The following PLA2G3 variants were observed in gnomAD, a reference collection of about 807,000 sequenced individuals.
PLA2G3 encodes phospholipase A2 group III.
In PLA2G3, 39 loss-of-function variants were observed where a neutral mutation model predicts 51.3. That is an observed-to-expected ratio of 0.76 (90% CI 0.59 to 0.99). The LOEUF (loss-of-function observed/expected upper bound fraction) is 0.99, where lower values mean the gene tolerates loss of function less well. Among genes scored for constraint, PLA2G3 ranks in the 50% least tolerant of loss-of-function variants. The pLI is 0.00. For synonymous variants in PLA2G3, 293 were observed against 263.1 expected, an observed-to-expected ratio of 1.11 and a Z score of -1.10; for missense variants, 677 against 662.1, an observed-to-expected ratio of 1.02 and a Z score of -0.25.
chr22:31,136,844 C>T, intron 5 of PLA2G3, 45 bp from the exon 6 acceptor site: 6 of 1,601,020 alleles, frequency 3.7e-6, no homozygotes, highest in Non-Finnish European at 5.1e-6. Flanking sequence ...CCTTGCCAGC[C>T]AGGGGCCCCT....
rs975481577 is a variant in PLA2G3, at chr22:31,140,449, G to C, written c.-95C>G. The C allele has an allele frequency of 5.7e-6, 8 of 1,397,238 alleles. No individual in the cohort carries two copies. The highest frequency in any genetic ancestry group is 4.3e-5 in the African/African-American group (3 of 69,348). 86.6% of individuals were successfully genotyped at this position (1,397,238 alleles called of 1,614,324 possible). On this transcript the variant is annotated 5_prime_UTR_variant, in exon 1 of 7. Transcript: ENST00000215885. ...AGCTGAGCAGTGGAACGGAAGCGGA[G>C]CCCAGCAGGCCCGGTGCGGCGGGAC...
chr22:31,136,660 CTCCT>C lies in PLA2G3; in HGVS notation c.1316+19_1316+22del, dbSNP rs1178706561. The stretch of plus-strand genomic sequence containing the variant: ...CACCCTTTGAGAAAACCCCCCATCC[CTCCT>C]GGCTCTGACATCACTTACTTTTTGC... On this transcript the variant is annotated intron_variant, in intron 6 of 6. Transcript: ENST00000215885. The C allele has an allele frequency of 1.9e-6, 3 of 1,596,868 alleles. No individual in the cohort carries two copies. The highest frequency in any genetic ancestry group is 2.6e-6 in the Non-Finnish European group (3 of 1,164,790).
At position 31,134,811 on chromosome 22, in the gene PLA2G3, T is replaced by C; in HGVS notation, c.*912A>G. ...ATTTACCAGGCACCAGCTGTATACA[T>C]TACACATGCCATCTCCTTTAATCTG... On this transcript the variant is annotated 3_prime_UTR_variant, in exon 7 of 7. Coordinates refer to ENST00000215885, the MANE Select transcript of PLA2G3 (RefSeq NM_015715.5). 5.3e-6 allele frequency: 1 copy of C among 189,770 alleles called. No homozygotes were observed. Among genetic ancestry groups the C allele is most frequent in the African/African-American group, 2.3e-5 (1 of 43,026 alleles). The allele number at this position is 189,770 out of a possible 1,614,324, so 11.8% of individuals were successfully genotyped here.
chr22:31,138,110 G>C (rs553218791), intron 3 of PLA2G3, 117 bp from the exon 4 acceptor site: 2 of 1,346,094 alleles, frequency 1.5e-6, no homozygotes, highest in African/African-American at 2.9e-5. Flanking sequence ...CCGCTGGGTT[G>C]TGGGGGACAC....
At position 31,135,830 on chromosome 22, in the gene PLA2G3, A is replaced by G. The variant is rs1310508624; in HGVS notation, c.1423T>C (p.Trp475Arg). ...GGGCCTCTCAGGGGCTCTGAAGGCC[A>G]TGGCTGCCTCTCATCTGTGCCTTTA... Reference protein sequence around the residue: ...QDKGTDERQPWPSEPLRGPMS... With the variant: ...QDKGTDERQPRPSEPLRGPMS... The change falls in exon 7 of 7, where the codon TGG (tryptophan) becomes CGG (arginine). Residue 475 changes from tryptophan (W) to arginine (R), a missense_variant. By Grantham distance (101) the Trp-to-Arg change is moderately radical (BLOSUM62 -3). Coordinates refer to ENST00000215885, the MANE Select transcript of PLA2G3 (RefSeq NM_015715.5). The G allele has an allele frequency of 6.2e-7, 1 of 1,613,938 alleles. No homozygotes were observed. Among genetic ancestry groups the G allele is most frequent in the South Asian group, 1.1e-5 (1 of 91,090 alleles).
intron 6 of PLA2G3, 82 bp from the exon 7 acceptor site, chr22:31,136,018 G>C: frequency 8.7e-7 from 1 of 1,146,070 alleles, no homozygotes; most frequent in East Asian, 2.4e-5. Context: ...CTGAGGCCCA[G>C]AGAGAGAGGG....
Position 31,140,503 on chromosome 22 carries a change from A to C in PLA2G3, c.-149T>G. 1.2e-6 allele frequency: 1 copy of C among 851,228 alleles called. No homozygotes were observed. The highest frequency in any genetic ancestry group is 1.7e-5 in the African/African-American group (1 of 58,522). 52.7% of individuals were successfully genotyped at this position (851,228 alleles called of 1,614,324 possible). On this transcript the variant is annotated 5_prime_UTR_variant, in exon 1 of 7. Coordinates refer to ENST00000215885, the MANE Select transcript of PLA2G3 (RefSeq NM_015715.5). Reference sequence around the variant, plus strand: ...TGAATGGAGCTGCGGGAGGAGGAGGAAAGAGGCTGGAGTATGGGGTGATCT... The same window carrying C: ...TGAATGGAGCTGCGGGAGGAGGAGGCAAGAGGCTGGAGTATGGGGTGATCT...
intron 1 of PLA2G3, 134 bp downstream of exon 1, chr22:31,139,707 G>A: frequency 3.2e-6 from 2 of 633,628 alleles, no homozygotes; most frequent in Non-Finnish European, 5.5e-6. Flanking sequence ...CCACTTTACA[G>A]ATAAGGAAAT....
chr22:31,138,566 C>T, intron 2 of PLA2G3, 101 bp downstream of exon 2: 1 of 1,536,256 alleles, frequency 6.5e-7, no homozygotes, highest in Non-Finnish European at 8.9e-7. Flanking sequence ...TCCAAGCTGG[C>T]TGAGCTTTAA....
At chr22:31,137,641 G>C in intron 4 of PLA2G3, 69 bp downstream of exon 4, 4 of 1,405,878 alleles carry the variant, frequency 2.8e-6, no homozygotes, top group Non-Finnish European at 3.9e-6. Context: ...GCAACACATG[G>C]CCACCCCTAA....
At chr22:31,139,770 T>A in intron 1 of PLA2G3, 71 bp downstream of exon 1, 1 of 1,072,418 alleles carries the variant, frequency 9.3e-7, no homozygotes, top group African/African-American at 1.6e-5. Flanking sequence ...CCTAGGAGAG[T>A]AAGGGCTGGG....
At position 31,136,706 on chromosome 22, in the gene PLA2G3, T is replaced by G. The variant is rs777797655; in HGVS notation, c.1293A>C (p.Pro431=). 2 of 1,613,434 alleles carry G rather than the reference T, an allele frequency of 1.2e-6. No homozygotes were observed. The highest frequency in any genetic ancestry group is 4.5e-5 in the East Asian group (2 of 44,876). Residue 431 remains proline (P), a synonymous_variant, in exon 6 of 7, where the codon CCA becomes CCC. Transcript: ENST00000215885. ...LGTTCFKLAP[P]LDCVEGKNCS... ...ACTTTTTGCCTTCCACACAGTCCAG[T>G]GGAGGGGCCAGCTTGAAGCAGGTTG...
chr22:31,140,250 C>T lies in PLA2G3; in HGVS notation c.105G>A (p.Lys35=). The part of the protein sequence containing the change: ...RWYRTSCHLT[K]AVPGNPLGYL... ...ACCCCAGTGGGTTGCCAGGGACGGC[C>T]TTGGTCAAGTGGCAGGAGGTCCTGT... is the stretch of plus-strand genomic sequence containing the variant. Residue 35 remains lysine (K), a synonymous_variant, in exon 1 of 7, where the codon AAG becomes AAA. Transcript: ENST00000215885. The T allele has an allele frequency of 6.2e-7, 1 of 1,612,604 alleles. No individual in the cohort carries two copies. The highest frequency in any genetic ancestry group is 1.3e-5 in the African/African-American group (1 of 75,050).
Position 31,140,026 on chromosome 22 carries a change from G to A in PLA2G3, c.329C>T (p.Thr110Ile), listed in dbSNP as rs1922802140. 1 of 1,613,742 alleles carries A rather than the reference G, an allele frequency of 6.2e-7. No homozygotes were observed. Among genetic ancestry groups the A allele is most frequent in the Non-Finnish European group, 8.5e-7 (1 of 1,180,046 alleles). The change falls in exon 1 of 7, where the codon ACT becomes ATT. Residue 110 changes from threonine (T) to isoleucine (I), a missense_variant. Thr to Ile is a moderately conservative substitution (Grantham distance 89, BLOSUM62 -1). Coordinates refer to ENST00000215885, the MANE Select transcript of PLA2G3 (RefSeq NM_015715.5). Reference sequence around the variant, plus strand: ...GCATGCCTCCCACTGACTCTGAAGAGTGGCCAGTGCTCTCTGCAGCTCGGG... The same window carrying A: ...GCATGCCTCCCACTGACTCTGAAGAATGGCCAGTGCTCTCTGCAGCTCGGG... ...PGPELQRALA[T>I]LQSQWEACRA... is the part of the protein sequence containing the mutation.
chr22:31,137,659 C>G, intron 4 of PLA2G3, 51 bp downstream of exon 4: 2 of 1,510,604 alleles, frequency 1.3e-6, no homozygotes, highest in Non-Finnish European at 1.8e-6. Flanking sequence ...TAAACAGAAG[C>G]AGGGACACCC....
At chr22:31,136,559 T>C in intron 6 of PLA2G3, 124 bp downstream of exon 6, 1 of 755,724 alleles carries the variant, frequency 1.3e-6, no homozygotes, top group Non-Finnish European at 2.3e-6. Flanking sequence ...GATGAGGCTA[T>C]GGATAGGAGC....
In PLA2G3 at chr22:31,137,167, C is replaced by T. The variant is rs984717593; in HGVS notation, c.1067-127G>A. 1.2e-5 allele frequency: 12 copies of T among 1,010,856 alleles called. No individual in the cohort carries two copies. In the Admixed American group the frequency reaches 2.8e-4, roughly 24 times the overall value. 62.6% of individuals were successfully genotyped at this position (1,010,856 alleles called of 1,614,324 possible). ...ACACACAGATTCCCTCCATTTCATG[C>T]CTTCTGAGTCTTTGTGCCCTCAGTG... On this transcript the variant is annotated intron_variant, in intron 4 of 6. Transcript: ENST00000215885.
intron 6 of PLA2G3, 144 bp downstream of exon 6, chr22:31,136,539 G>A (rs539182382): frequency 4.5e-6 from 3 of 664,864 alleles, no homozygotes; most frequent in Admixed American, 2.6e-5. Flanking sequence ...GGGGCAGCAG[G>A]GGGTAGAGGG....
In PLA2G3 at chr22:31,138,276, C is replaced by T. The variant is rs769245283; in HGVS notation, c.782G>A (p.Gly261Glu). The T allele has an allele frequency of 2.9e-5, 46 of 1,613,246 alleles. No homozygotes were observed. Among genetic ancestry groups the T allele is most frequent in the Non-Finnish European group, 3.4e-5 (40 of 1,179,782 alleles). ...GGGACATGAGGGGGTGGCCACGTAC[C>T]CGCCCCACCAGTACCACGCCACACA... The part of the protein sequence containing the change: ...EACVAWYWWG[G>E]CRMYGTVPLA... Residue 261 changes from glycine (G) to glutamate (E), a missense_variant and splice_region_variant, in exon 3 of 7, where the codon GGG (glycine) becomes GAG (glutamate). Gly to Glu is a moderately conservative substitution (Grantham distance 98). Coordinates refer to ENST00000215885, the MANE Select transcript of PLA2G3 (RefSeq NM_015715.5).
Sources: allele counts gnomAD v4.1 joint callset, GRCh38; gene constraint gnomAD v4.1.1; transcripts MANE v1.5; gene names NCBI Gene and HGNC (gene_info 2026-07-23, HGNC 2026-07-21).